NEK11: variants seen among roughly 807,000 people sequenced by gnomAD.
NEK11 encodes NIMA related kinase 11, also known as serine/threonine-protein kinase Nek11.
In NEK11, 72 loss-of-function variants were observed where a neutral mutation model predicts 80.7. The observed-to-expected ratio is 0.89, with a 90% CI of 0.74 to 1.08. The LOEUF is 1.08. Ranked by LOEUF, NEK11 falls within the 50% of genes least tolerant of loss-of-function variation. NEK11 has a pLI of 0.00. For missense variants in NEK11, 764 were observed against 763.6 expected (o/e 1.00, Z -0.01); for synonymous variants, 251 against 260.7 (o/e 0.96, Z 0.36).
chr3:131,332,496 A>G (rs1301341031), intron 17 of NEK11, among the ~76,000 whole-genome samples: 1 of 152,206 alleles, frequency 6.6e-6, no homozygotes, highest in Non-Finnish European at 1.5e-5. Context: ...CCAAAAGTAG[A>G]TAAAACCACA....
chr3:131,147,692 A>T (rs978254711), intron 7 of NEK11, among the ~76,000 whole-genome samples: 1 of 152,038 alleles, frequency 6.6e-6, no homozygotes, highest in Non-Finnish European at 1.5e-5. Context: ...TATAGAAATA[A>T]AGGGCTTTGT....
chr3:131,256,733 C>G lies in NEK11; in HGVS notation c.1621+13237C>G, dbSNP rs192634823. ...CATGAGTTTGCAGTTAGCTATCACC[C>G]AGGGCCACAGTCATCTGAAGGCTTC... On this transcript the variant is annotated intron_variant, in intron 16 of 17. Transcript: ENST00000383366. Among the ~76,000 whole-genome samples the G allele has an allele frequency of 2.6e-5, 4 of 152,058 alleles. No homozygotes were observed. In the South Asian group the frequency reaches 8.3e-4, roughly 32 times the overall value.
At chr3:131,241,930 A>C (rs1235088325) in intron 15 of NEK11, among the ~76,000 whole-genome samples, 1 of 152,138 alleles carries the variant, frequency 6.6e-6, no homozygotes, top group Non-Finnish European at 1.5e-5. Context: ...CCAGATTAAA[A>C]ATAAATGGGA....
At chr3:131,174,742 A>G (rs1161301852) in intron 14 of NEK11, 7 of 1,602,460 alleles carry the variant, frequency 4.4e-6, no homozygotes, top group Non-Finnish European at 5.1e-6. Flanking sequence ...GTACTCTAGC[A>G]TTTGTTTTAT....
chr3:131,096,680 G>C (rs1168794551), intron 4 of NEK11, among the ~76,000 whole-genome samples: 2 of 151,830 alleles, frequency 1.3e-5, no homozygotes, highest in Non-Finnish European at 2.9e-5. Flanking sequence ...CCACAGCCTT[G>C]CCATTATCTG....
chr3:131,312,240 T>C (rs1197840729), intron 17 of NEK11, among the ~76,000 whole-genome samples: 1 of 152,206 alleles, frequency 6.6e-6, no homozygotes, highest in African/African-American at 2.4e-5. Context: ...GGCAGGTTGC[T>C]TTACCTCTTC....
intron 3 of NEK11, among the ~76,000 whole-genome samples, chr3:131,042,855 G>A (rs1010533844): frequency 1.3e-5 from 2 of 152,142 alleles, no homozygotes; most frequent in African/African-American, 2.4e-5. Flanking sequence ...TACCTCACAC[G>A]GGAGAGCTCT....
intron 7 of NEK11, among the ~76,000 whole-genome samples, chr3:131,148,026 G>T (rs966203922): frequency 1.7e-4 from 26 of 151,700 alleles, no homozygotes; most frequent in Non-Finnish European, 2.4e-4. Context: ...GATTAAGGAA[G>T]TTCCCTCCTA....
chr3:131,168,558 G>A lies in NEK11; in HGVS notation c.1177-272G>A, dbSNP rs567004231. Among the ~76,000 whole-genome samples, 395 of 151,332 alleles carry A rather than the reference G, an allele frequency of 2.6e-3. 1 individual carries two copies. Among genetic ancestry groups the A allele is most frequent in the Non-Finnish European group, 4.7e-3 (322 of 67,800 alleles). ...TTTTTAGTAGAGACGGGGTTTCACC[G>A]TTTTAGCCAGGATGGTCTCGATCTC... On this transcript the variant is annotated intron_variant, in intron 12 of 17. Transcript: ENST00000383366.
chr3:131,208,848 T>C (rs1353999425), intron 14 of NEK11, among the ~76,000 whole-genome samples: 5 of 152,166 alleles, frequency 3.3e-5, no homozygotes, highest in South Asian at 2.1e-4. Flanking sequence ...TGCTTATCAG[T>C]TTAAGGAGAT....
At chr3:131,236,134 A>G (rs2095426708) in intron 15 of NEK11, among the ~76,000 whole-genome samples, 1 of 152,332 alleles carries the variant, frequency 6.6e-6, no homozygotes, top group Admixed American at 6.5e-5. Flanking sequence ...TTTTGTGGCA[A>G]TAAACCTCCC....
intron 5 of NEK11, among the ~76,000 whole-genome samples, chr3:131,111,782 C>T (rs2080176217): frequency 1.3e-5 from 2 of 152,152 alleles, no homozygotes; most frequent in African/African-American, 2.4e-5. Flanking sequence ...ATAGGACTCT[C>T]CTTGCTTACA....
At chr3:131,261,618 T>G (rs1429140096) in intron 16 of NEK11, among the ~76,000 whole-genome samples, 1 of 152,136 alleles carries the variant, frequency 6.6e-6, no homozygotes, top group East Asian at 1.9e-4. Context: ...CCTGAGCTGG[T>G]GAGAGAACTA....
chr3:131,177,493 G>T (rs2093096343), intron 14 of NEK11, among the ~76,000 whole-genome samples: 1 of 152,072 alleles, frequency 6.6e-6, no homozygotes, highest in Admixed American at 6.6e-5. Flanking sequence ...ATGGTTAGAT[G>T]GTGCTTATCA....
chr3:131,189,284 G>T (rs1477201690), intron 14 of NEK11, among the ~76,000 whole-genome samples: 1 of 152,160 alleles, frequency 6.6e-6, no homozygotes, highest in Non-Finnish European at 1.5e-5. Flanking sequence ...GCAGGCCTAG[G>T]AAACTAAAAC....
rs1341518060 is a variant in NEK11 at position 131,349,557 on chromosome 3, A to C, written c.1719A>C (p.Glu573Asp). 1 of 1,612,918 alleles carries C rather than the reference A, an allele frequency of 6.2e-7. No individual in the cohort carries two copies. Among genetic ancestry groups the C allele is most frequent in the Admixed American group, 1.7e-5 (1 of 59,914 alleles). The change falls in exon 18 of 18, where the codon GAA becomes GAC. Residue 573 changes from glutamate (E) to aspartate (D), a missense_variant and splice_region_variant. By Grantham distance (45) the Glu-to-Asp change is conservative. Coordinates refer to ENST00000383366, the MANE Select transcript of NEK11 (RefSeq NM_024800.5). ...TAATCTTTTGTAACTTTTTTGACAG[A>C]TCAGCCATGCAGAAGCTGGGGACAG... ...MARTKMKRMR[E>D]SAMQKLGTEV... is the part of the protein sequence containing the mutation.
chr3:131,282,599 C>T (rs1171841589), intron 17 of NEK11, among the ~76,000 whole-genome samples: 1 of 152,160 alleles, frequency 6.6e-6, no homozygotes, highest in Non-Finnish European at 1.5e-5. Context: ...GCAGAAGGCA[C>T]AGGGATTTTC....
intron 14 of NEK11, among the ~76,000 whole-genome samples, chr3:131,189,619 C>A (rs1382486251): frequency 6.6e-6 from 1 of 152,192 alleles, no homozygotes; most frequent in Non-Finnish European, 1.5e-5. Context: ...ACATTAAAAC[C>A]AAACCATTTC....
At chr3:131,138,262 G>A (rs911274817) in intron 7 of NEK11, among the ~76,000 whole-genome samples, 5 of 152,196 alleles carry the variant, frequency 3.3e-5, no homozygotes, top group Non-Finnish European at 7.3e-5. Context: ...AGCATCAGTG[G>A]TAGCCTGGGA....
Sources: allele counts gnomAD v4.1 joint callset (sites outside exome capture counted in the v4.1 genomes callset), GRCh38; gene constraint gnomAD v4.1.1; transcripts MANE v1.5; gene names NCBI Gene and HGNC (gene_info 2026-07-23, HGNC 2026-07-21).